The following CCDC126 variants were observed in gnomAD, a reference collection of about 807,000 sequenced individuals.
CCDC126 encodes coiled-coil domain containing 126, also known as coiled-coil domain-containing protein 126.
CCDC126 carries 5 observed loss-of-function variants against 11.7 expected under a neutral mutation model. That is an observed-to-expected ratio of 0.43 (90% confidence interval 0.22 to 0.90). The LOEUF (loss-of-function observed/expected upper bound fraction) is 0.90, where lower values mean the gene tolerates loss of function less well. Among genes scored for constraint, CCDC126 ranks in the 40% least tolerant of loss-of-function variants. The probability of loss-of-function intolerance (pLI) is 0.27; values close to 1 mark genes in which losing one functional copy is unlikely to be tolerated. For missense variants in CCDC126, 150 were observed against 163.1 expected, an observed-to-expected ratio of 0.92 and a Z score of 0.44; for synonymous variants, 60 against 61.9, an observed-to-expected ratio of 0.97 and a Z score of 0.14.
chr7:23,608,150 G>A (rs1321257463), intron 2 of CCDC126, among the ~76,000 whole-genome samples: 3 of 152,242 alleles, frequency 2.0e-5, no homozygotes, highest in Non-Finnish European at 4.4e-5. Context: ...CCAGGGTGGA[G>A]TTTTCAGCCC....
At chr7:23,621,845 G>A (rs554892979) in intron 3 of CCDC126, among the ~76,000 whole-genome samples, 1 of 152,252 alleles carries the variant, frequency 6.6e-6, no homozygotes, top group South Asian at 2.1e-4. Context: ...TAATCATGTG[G>A]TTTTTGTCTT....
At chr7:23,640,291 A>C (rs1783330843) in intron 3 of CCDC126, among the ~76,000 whole-genome samples, 1 of 151,828 alleles carries the variant, frequency 6.6e-6, no homozygotes, top group Admixed American at 6.6e-5. Flanking sequence ...TGAGATCGGG[A>C]GTTCGAGACC....
At chr7:23,620,306 T>G (rs1305601197) in intron 3 of CCDC126, among the ~76,000 whole-genome samples, 78 of 138,786 alleles carry the variant, frequency 5.6e-4, no homozygotes, top group East Asian at 1.6e-3. Flanking sequence ...TCATTGTGGT[T>G]TTGATTTGCA....
intron 2 of CCDC126, among the ~76,000 whole-genome samples, chr7:23,599,528 A>G (rs1397367035): frequency 2.0e-5 from 3 of 151,026 alleles, no homozygotes; most frequent in Admixed American, 6.6e-5. Context: ...TTTGAGACAG[A>G]GTCTTACTCT....
intron 3 of CCDC126, among the ~76,000 whole-genome samples, chr7:23,641,983 T>G (rs1783366564): frequency 6.6e-6 from 1 of 152,112 alleles, no homozygotes; most frequent in Non-Finnish European, 1.5e-5. Context: ...TTAGCTAGCT[T>G]TTTAGTTTAC....
chr7:23,637,978 C>T (rs1783269843), intron 3 of CCDC126, among the ~76,000 whole-genome samples: 1 of 127,728 alleles, frequency 7.8e-6, no homozygotes, highest in African/African-American at 2.8e-5. Context: ...GGGGTCAGCC[C>T]CCCGCCCGGC....
At chr7:23,632,847 T>C (rs1783139691) in intron 3 of CCDC126, among the ~76,000 whole-genome samples, 2 of 152,234 alleles carry the variant, frequency 1.3e-5, no homozygotes, top group African/African-American at 4.8e-5. Flanking sequence ...TAAGACGTAG[T>C]CTATTTATGG....
intron 2 of CCDC126, among the ~76,000 whole-genome samples, chr7:23,599,988 T>C (rs1782506644): frequency 6.6e-6 from 1 of 152,206 alleles, no homozygotes; most frequent in South Asian, 2.1e-4. Context: ...TTTCACCATG[T>C]TGACCAGACT....
intron 2 of CCDC126, among the ~76,000 whole-genome samples, chr7:23,600,892 G>A (rs560543601): frequency 6.6e-6 from 1 of 152,062 alleles, no homozygotes; most frequent in East Asian, 1.9e-4. Context: ...GTTACAATCC[G>A]TAGTAAGAGA....
At chr7:23,625,145 A>ATT (rs1336107549) in intron 3 of CCDC126, among the ~76,000 whole-genome samples, 7 of 152,174 alleles carry the variant, frequency 4.6e-5, no homozygotes, top group Non-Finnish European at 1.0e-4. Context: ...TGCCTGGCCT[A>ATT]TTATCTCATT....
chr7:23,635,212 T>C (rs567025195), intron 3 of CCDC126, among the ~76,000 whole-genome samples: 1 of 152,330 alleles, frequency 6.6e-6, no homozygotes, highest in African/African-American at 2.4e-5. Context: ...GAATTAGACC[T>C]TCAGCAAATG....
chr7:23,611,586 C>T (rs1413057514), intron 3 of CCDC126, 33 bp downstream of exon 3: 1 of 1,445,768 alleles, frequency 6.9e-7, no homozygotes. Context: ...CTAGTTTCCT[C>T]CAATCCCTGT....
At chr7:23,611,096 T>A (rs1050414672) in intron 2 of CCDC126, 75 bp from the exon 3 acceptor site, 5 of 349,600 alleles carry the variant, frequency 1.4e-5, no homozygotes, top group Non-Finnish European at 2.6e-5. Context: ...AATTATAGAA[T>A]ATTTTCTTTA....
chr7:23,636,230 G>T (rs2128021685), intron 3 of CCDC126, among the ~76,000 whole-genome samples: 1 of 152,322 alleles, frequency 6.6e-6, no homozygotes, highest in South Asian at 2.1e-4. Flanking sequence ...CCTCCCAGCC[G>T]CCTGCCTTGG....
rs574154340 is a variant in CCDC126 at position 23,623,120 on chromosome 7, C to T, written c.238+11567C>T. Among the ~76,000 whole-genome samples, 1,012 of 149,154 alleles carry T rather than the reference C, an allele frequency of 6.8e-3. 13 individuals carry two copies. Among genetic ancestry groups the T allele is most frequent in the African/African-American group, 0.018 (715 of 40,352 alleles). ...TCCCAACTGGCTGGGATTGCAGGCT[C>T]GCGCCACTATGCCCAGCTGATTTTT... is the stretch of plus-strand genomic sequence containing the variant. On this transcript the variant is annotated intron_variant, in intron 3 of 3. Coordinates refer to ENST00000307471, the MANE Select transcript of CCDC126 (RefSeq NM_138771.4).
chr7:23,619,489 T>G, intron 3 of CCDC126: 1 of 373,574 alleles, frequency 2.7e-6, no homozygotes, highest in African/African-American at 2.2e-5. Flanking sequence ...CCAACACCCT[T>G]CCTGCCTATT....
At chr7:23,597,705 C>T (rs573396722) in intron 1 of CCDC126, 100 bp downstream of exon 1, 33 of 152,754 alleles carry the variant, frequency 2.2e-4, no homozygotes, top group African/African-American at 7.9e-4. Context: ...CGTCCCCGGT[C>T]CCCGCCCCGC....
chr7:23,621,318 A>C (rs227926), intron 3 of CCDC126, among the ~76,000 whole-genome samples: 4 of 150,620 alleles, frequency 2.7e-5, no homozygotes, highest in African/African-American at 9.9e-5. Context: ...TGGATTCCTA[A>C]GTATTTTATT....
At chr7:23,619,388 T>C in intron 3 of CCDC126, 1 of 401,928 alleles carries the variant, frequency 2.5e-6, no homozygotes, top group Middle Eastern at 7.3e-4. Flanking sequence ...ATGCTTAAAC[T>C]CAGAGATCAG....
Sources: gnomAD v4.1 joint callset for allele counts (sites outside exome capture counted in the v4.1 genomes callset) on GRCh38, gnomAD v4.1.1 for gene constraint, MANE v1.5 for transcripts, NCBI Gene and HGNC (gene_info 2026-07-23, HGNC 2026-07-21) for gene names.